The following FAM20B variants were observed in gnomAD, a reference collection of about 807,000 sequenced individuals.
FAM20B encodes glycosaminoglycan xylosylkinase.
FAM20B carries 23 observed loss-of-function variants against 43.8 expected under a neutral mutation model. The observed-to-expected ratio is 0.53, with a 90% CI of 0.38 to 0.74. FAM20B has a LOEUF of 0.74. Among genes scored for constraint, FAM20B ranks in the 30% least tolerant of loss-of-function variants. FAM20B has a pLI of 0.00. For synonymous variants in FAM20B, 178 were observed against 192.4 expected (o/e 0.93, Z 0.62); for missense variants, 440 against 510.5 (o/e 0.86, Z 1.33).
rs773926718 is a variant in FAM20B at position 179,043,974 on chromosome 1, C to T, written c.127C>T (p.Arg43Ter). 7 of 1,613,994 alleles carry T rather than the reference C, an allele frequency of 4.3e-6. No homozygotes were observed. Among genetic ancestry groups the T allele is most frequent in the Non-Finnish European group, 5.9e-6 (7 of 1,180,012 alleles). The change falls in exon 2 of 8, where the codon CGA becomes TGA. Residue 43 changes from arginine (R) to a stop codon, truncating the protein, a stop_gained. Coordinates refer to ENST00000263733, the MANE Select transcript of FAM20B (RefSeq NM_014864.4). LOFTEE classifies it high-confidence loss of function. ...ANREDQRAFH[R>*]MMTGLRVELA... ...CCGGGAGGACCAGAGGGCCTTTCAC[C>T]GAATGATGACTGGCTTGCGGGTGGA... is the stretch of plus-strand genomic sequence containing the variant.
At chr1:179,068,619 A>G (rs1403655895) in intron 7 of FAM20B, among the ~76,000 whole-genome samples, 1 of 152,072 alleles carries the variant, frequency 6.6e-6, no homozygotes, top group Non-Finnish European at 1.5e-5. Context: ...TATTTTTAGT[A>G]GAGACGGGGT....
intron 1 of FAM20B, among the ~76,000 whole-genome samples, chr1:179,032,087 A>G (rs1251097104): frequency 6.6e-6 from 1 of 152,206 alleles, no homozygotes; most frequent in Admixed American, 6.5e-5. Flanking sequence ...ATACAAGACT[A>G]CTAATTACTA....
intron 7 of FAM20B, among the ~76,000 whole-genome samples, chr1:179,070,221 T>C (rs945821810): frequency 1.3e-5 from 2 of 151,624 alleles, no homozygotes; most frequent in African/African-American, 4.8e-5. Context: ...AATTTTTGTA[T>C]TTTTAGGAGA....
At chr1:179,020,377 G>A in the FAM20B span, among the ~76,000 whole-genome samples, 3 of 152,126 alleles carry the variant, frequency 2.0e-5, no homozygotes, top group Non-Finnish European at 4.4e-5. Flanking sequence ...GTCCACCAAG[G>A]GGCAGCATCT....
intron 1 of FAM20B, among the ~76,000 whole-genome samples, chr1:179,038,864 A>G (rs1650360436): frequency 6.6e-6 from 1 of 152,226 alleles, no homozygotes; most frequent in Non-Finnish European, 1.5e-5. Context: ...GTGGCAGGGA[A>G]TAATTAGAAT....
intron 1 of FAM20B, among the ~76,000 whole-genome samples, chr1:179,042,599 T>A (rs1436095542): frequency 1.3e-5 from 2 of 152,194 alleles, no homozygotes; most frequent in African/African-American, 4.8e-5. Context: ...CTGTTTGCAT[T>A]ACAGCTCTTT....
rs531444501 is a variant in FAM20B, at chr1:179,028,358, C to T, written c.-134+2260C>T. Among the ~76,000 whole-genome samples the T allele has an allele frequency of 4.6e-5, 7 of 152,218 alleles. No individual in the cohort carries two copies. In the South Asian group the frequency reaches 8.3e-4, roughly 18 times the overall value. On this transcript the variant is annotated intron_variant, in intron 1 of 7. Coordinates refer to ENST00000263733, the MANE Select transcript of FAM20B (RefSeq NM_014864.4). The stretch of plus-strand genomic sequence containing the variant: ...CAGCACTTTGGGAGGCCGAGGCAGG[C>T]GGATCACGAGGTCAAGAGATTGAGA...
At chr1:179,066,752 G>C (rs1182661914) in intron 6 of FAM20B, 48 bp from the exon 7 acceptor site, 7 of 1,278,864 alleles carry the variant, frequency 5.5e-6, no homozygotes, top group Non-Finnish European at 8.0e-6. Flanking sequence ...ATGCTAAGAA[G>C]AGAACAGTAC....
At chr1:179,056,188 C>T (rs1476221604) in intron 4 of FAM20B, among the ~76,000 whole-genome samples, 5 of 152,196 alleles carry the variant, frequency 3.3e-5, no homozygotes, top group Non-Finnish European at 7.3e-5. Context: ...TGGTGTTGCA[C>T]ATTCTGTGGG....
intron 4 of FAM20B, among the ~76,000 whole-genome samples, chr1:179,057,740 G>A (rs1298300617): frequency 6.9e-6 from 1 of 144,080 alleles, no homozygotes; most frequent in Non-Finnish European, 1.5e-5. Context: ...GCTAGGTGCT[G>A]AATATGCAAA....
intron 7 of FAM20B, among the ~76,000 whole-genome samples, chr1:179,068,566 G>C (rs1203283989): frequency 6.6e-6 from 1 of 152,082 alleles, no homozygotes; most frequent in Non-Finnish European, 1.5e-5. Flanking sequence ...CTCCCAAGTA[G>C]TTGGGATTAC....
At position 179,054,693 on chromosome 1, in the gene FAM20B, G is replaced by A. The variant is rs116034023; in HGVS notation, c.574+55G>A. Reference sequence around the variant, plus strand: ...GGGGAATGATTAATAAGTTAAAATGGGGCATTGTTGAGCAAGCTGGCTCAT... The same window carrying A: ...GGGGAATGATTAATAAGTTAAAATGAGGCATTGTTGAGCAAGCTGGCTCAT... On this transcript the variant is annotated intron_variant, in intron 4 of 7. Transcript: ENST00000263733. 9 of 1,122,666 alleles carry A rather than the reference G, an allele frequency of 8.0e-6. No homozygotes were observed. In the African/African-American group the frequency reaches 1.4e-4, roughly 17 times the overall value. 69.5% of individuals were successfully genotyped at this position (1,122,666 alleles called of 1,614,324 possible).
At chr1:179,047,520 T>C (rs1046272748) in intron 2 of FAM20B, among the ~76,000 whole-genome samples, 2 of 151,970 alleles carry the variant, frequency 1.3e-5, no homozygotes, top group African/African-American at 4.8e-5. Flanking sequence ...CCGCATCATC[T>C]CCTAAACAGC....
At chr1:179,049,091 A>C (rs1572544803) in intron 2 of FAM20B, among the ~76,000 whole-genome samples, 1 of 152,356 alleles carries the variant, frequency 6.6e-6, no homozygotes, top group East Asian at 1.9e-4. Flanking sequence ...TGAATTAAGT[A>C]CTTTTTTCTT....
intron 1 of FAM20B, among the ~76,000 whole-genome samples, chr1:179,028,188 A>AT (rs1649869214): frequency 6.6e-6 from 1 of 152,222 alleles, no homozygotes; most frequent in Non-Finnish European, 1.5e-5. Context: ...TGTTGAATTG[A>AT]TAACTTTTTA....
Position 179,044,064 on chromosome 1 carries a change from C to T in FAM20B, c.217C>T (p.Pro73Ser). The change falls in exon 2 of 8, where the codon CCC (proline) becomes TCC (serine). Residue 73 changes from proline (P) to serine (S), a missense_variant. Pro to Ser is a moderately conservative substitution (Grantham distance 74, BLOSUM62 -1). Transcript: ENST00000263733. ...PWEIAAQWVV[P>S]REVYPEETPE... ...GGAGATTGCAGCCCAGTGGGTGGTT[C>T]CCCGGGAAGTGTACCCTGAAGAGAC... The T allele has an allele frequency of 1.9e-6, 3 of 1,614,020 alleles. No individual in the cohort carries two copies. Among genetic ancestry groups the T allele is most frequent in the Non-Finnish European group, 2.5e-6 (3 of 1,180,006 alleles).
intron 4 of FAM20B, among the ~76,000 whole-genome samples, chr1:179,061,689 G>A (rs769669707): frequency 6.6e-5 from 10 of 152,158 alleles, no homozygotes; most frequent in Non-Finnish European, 1.5e-4. Flanking sequence ...GATTACAGAT[G>A]TGAGCCACAG....
chr1:179,060,845 A>G (rs2102517657), intron 4 of FAM20B, among the ~76,000 whole-genome samples: 1 of 152,370 alleles, frequency 6.6e-6, no homozygotes, highest in East Asian at 1.9e-4. Flanking sequence ...ATAGAAATAT[A>G]TAAGAGTGAC....
intron 3 of FAM20B, among the ~76,000 whole-genome samples, chr1:179,053,395 C>G (rs570824737): frequency 2.0e-5 from 3 of 152,184 alleles, no homozygotes; most frequent in Non-Finnish European, 4.4e-5. Context: ...ATGATCATGC[C>G]GCTGCACTCT....
Sources: gnomAD v4.1 joint callset for allele counts (sites outside exome capture counted in the v4.1 genomes callset) on GRCh38, gnomAD v4.1.1 for gene constraint, MANE v1.5 for transcripts, NCBI Gene and HGNC (gene_info 2026-07-23, HGNC 2026-07-21) for gene names.